SERF2: variants seen among roughly 807,000 people sequenced by gnomAD.
SERF2 encodes gastric cancer-related protein VRG107.
Under a neutral mutation model 10.7 loss-of-function variants are expected in SERF2, and 4 were observed. The ratio of observed to expected loss-of-function variants is 0.37; its 90% CI spans 0.18 to 0.86. The LOEUF (loss-of-function observed/expected upper bound fraction) is 0.86. Among genes scored for constraint, SERF2 ranks in the 40% least tolerant of loss-of-function variants. The pLI, the probability that SERF2 is intolerant of heterozygous loss-of-function variation, is 0.43. For missense variants in SERF2, 47 were observed against 79.1 expected, an observed-to-expected ratio of 0.59 and a Z score of 1.54; for synonymous variants, 26 against 26.0, an observed-to-expected ratio of 1.00 and a Z score of 0.01.
chr15:43,795,668 G>A lies in SERF2; in HGVS notation c.*1895G>A. ...CCACAGAGATCTACCACTTCTTATG[G>A]TTCCTCACTTGGCACTCACCTTTGT... is the stretch of plus-strand genomic sequence containing the variant. On this transcript the variant is annotated 3_prime_UTR_variant, in exon 3 of 3. Transcript: ENST00000249786. 6.2e-7 allele frequency: 1 copy of A among 1,613,550 alleles called. No individual in the cohort carries two copies. Among genetic ancestry groups the A allele is most frequent in the Non-Finnish European group, 8.5e-7 (1 of 1,179,570 alleles).
intron 1 of SERF2, among the ~76,000 whole-genome samples, chr15:43,783,190 T>A (rs2086978517): frequency 6.6e-6 from 1 of 151,974 alleles, no homozygotes; most frequent in South Asian, 2.1e-4. Flanking sequence ...ATATTTTTAG[T>A]AGAGACAGGG....
chr15:43,781,370 C>A (rs1308894678), intron 1 of SERF2, among the ~76,000 whole-genome samples: 1 of 152,036 alleles, frequency 6.6e-6, no homozygotes, highest in African/African-American at 2.4e-5. Flanking sequence ...GCCTGGCCAA[C>A]ATAGCGAAAT....
upstream of SERF2, among the ~76,000 whole-genome samples, chr15:43,791,464 T>C (rs984367586): frequency 2.0e-5 from 3 of 151,604 alleles, no homozygotes; most frequent in African/African-American, 7.3e-5. Context: ...CTCGAACTCC[T>C]GACCTTCTGA....
At chr15:43,786,332 A>G (rs1429207092) in intron 2 of SERF2, among the ~76,000 whole-genome samples, 2 of 149,014 alleles carry the variant, frequency 1.3e-5, no homozygotes, top group Non-Finnish European at 1.5e-5. Context: ...GGAGAATGGT[A>G]TGAGCCCAGG....
Position 43,795,228 on chromosome 15 carries a change from G to T in SERF2, c.*1455G>T, listed in dbSNP as rs147161959. 1 of 1,611,806 alleles carries T rather than the reference G, an allele frequency of 6.2e-7. No individual in the cohort carries two copies. Among genetic ancestry groups the T allele is most frequent in the East Asian group, 2.2e-5 (1 of 44,862 alleles). On this transcript the variant is annotated 3_prime_UTR_variant, in exon 3 of 3. Coordinates refer to ENST00000249786, the MANE Select transcript of SERF2 (RefSeq NM_001018108.4). Reference sequence around the variant, plus strand: ...CTCCCTCATAGCTGTGTAACCAAAGGCTCTGGTTAGAGAATATGAAGGGCC... The same window carrying T: ...CTCCCTCATAGCTGTGTAACCAAAGTCTCTGGTTAGAGAATATGAAGGGCC...
At position 43,795,032 on chromosome 15, in the gene SERF2, T is replaced by A. The variant is rs1442559155; in HGVS notation, c.*1259T>A. 5 of 1,612,130 alleles carry A rather than the reference T, an allele frequency of 3.1e-6. No homozygotes were observed. The highest frequency in any genetic ancestry group is 2.2e-5 in the South Asian group (2 of 90,998). ...GGAGGATATTTGTTATCTGGGGATA[T>A]GATGCGGTGGCGGCGGCGCCTCAAG... On this transcript the variant is annotated 3_prime_UTR_variant, in exon 3 of 3. Transcript: ENST00000249786.
At position 43,795,431 on chromosome 15, in the gene SERF2, G is replaced by T. The variant is rs924844763; in HGVS notation, c.*1658G>T. On this transcript the variant is annotated 3_prime_UTR_variant, in exon 3 of 3. Coordinates refer to ENST00000249786, the MANE Select transcript of SERF2 (RefSeq NM_001018108.4). The stretch of plus-strand genomic sequence containing the variant: ...GTAACCATGACATAGAGTGAGGCAA[G>T]GAAGAAGACGAAGTGGAAGGCAGAA... The T allele has an allele frequency of 1.2e-6, 2 of 1,614,184 alleles. No individual in the cohort carries two copies. The highest frequency in any genetic ancestry group is 1.1e-5 in the South Asian group (1 of 91,088).
chr15:43,778,614 A>T (rs1187008806), intron 1 of SERF2, among the ~76,000 whole-genome samples: 2 of 139,736 alleles, frequency 1.4e-5, no homozygotes, highest in Non-Finnish European at 3.1e-5. Context: ...AAAAAAAAAA[A>T]AGAGGCTGGG....
At chr15:43,788,933 A>G (rs2087029792), upstream of SERF2, among the ~76,000 whole-genome samples, 1 of 152,020 alleles carries the variant, frequency 6.6e-6, no homozygotes, top group African/African-American at 2.4e-5. Flanking sequence ...GCGGATCACA[A>G]GGTCAGGAGA....
At chr15:43,789,966 G>T (rs759808201), upstream of SERF2, among the ~76,000 whole-genome samples, 3 of 151,840 alleles carry the variant, frequency 2.0e-5, no homozygotes, top group Non-Finnish European at 4.4e-5. Flanking sequence ...CATGGTTAAA[G>T]CCTGTCTCTA....
Position 43,793,873 on chromosome 15 carries a change from C to T in SERF2, c.*100C>T. 2 of 1,609,880 alleles carry T rather than the reference C, an allele frequency of 1.2e-6. No homozygotes were observed. The highest frequency in any genetic ancestry group is 1.7e-6 in the Non-Finnish European group (2 of 1,177,960). ...CTCCTGTAGTGCTCACAGGTCCCAG[C>T]ACCGATGGCATTCCCTTTGCCCTGA... On this transcript the variant is annotated 3_prime_UTR_variant, in exon 3 of 3. Coordinates refer to ENST00000249786, the MANE Select transcript of SERF2 (RefSeq NM_001018108.4).
At chr15:43,792,817 C>T in intron 1 of SERF2, 158 bp from the exon 2 acceptor site, 2 of 673,676 alleles carry the variant, frequency 3.0e-6, no homozygotes, top group Non-Finnish European at 5.0e-6. Flanking sequence ...ATTCGCCACT[C>T]CCCCCTACCC....
Position 43,793,928 on chromosome 15 carries a change from T to G in SERF2, c.*155T>G. The G allele has an allele frequency of 6.4e-7, 1 of 1,561,138 alleles. No individual in the cohort carries two copies. Among genetic ancestry groups the G allele is most frequent in the South Asian group, 1.2e-5 (1 of 86,146 alleles). On this transcript the variant is annotated 3_prime_UTR_variant, in exon 3 of 3. Transcript: ENST00000249786. ...GCAGCGGGTCCCTTTTGTGCTTCCT[T>G]CCCCTCAGGTAGCCTCTCTCCCCCT...
chr15:43,794,445 A>C lies in SERF2; in HGVS notation c.*672A>C, dbSNP rs886959920. ...GACTTCCCGTGGTCAGCTGCTGTCA[A>C]GCGTTCACTTTCTCTTCTGTCATTC... On this transcript the variant is annotated 3_prime_UTR_variant, in exon 3 of 3. Transcript: ENST00000249786. The C allele has an allele frequency of 6.2e-6, 1 of 162,096 alleles. No homozygotes were observed. Among genetic ancestry groups the C allele is most frequent in the East Asian group, 1.9e-4 (1 of 5,336 alleles). 10.0% of individuals were successfully genotyped at this position (162,096 alleles called of 1,614,324 possible). A position where few individuals can be genotyped will look rare whatever the true frequency, so the allele number is the denominator to read the frequency against.
At position 43,795,524 on chromosome 15, in the gene SERF2, C is replaced by A. The variant is rs763450248; in HGVS notation, c.*1751C>A. On this transcript the variant is annotated 3_prime_UTR_variant, in exon 3 of 3. Transcript: ENST00000249786. ...GGGGTTTCTTGGTCAGCTGGCCTCG[C>A]AGCCCCACCCCTTTGCCCTGGAGAG... 13 of 1,614,172 alleles carry A rather than the reference C, an allele frequency of 8.1e-6. No individual in the cohort carries two copies. Among genetic ancestry groups the A allele is most frequent in the Non-Finnish European group, 1.0e-5 (12 of 1,180,036 alleles).
At chr15:43,790,393 GGAGA>G (rs1019451336), upstream of SERF2, among the ~76,000 whole-genome samples, 17 of 151,970 alleles carry the variant, frequency 1.1e-4, no homozygotes, top group East Asian at 1.9e-4. Context: ...ACAGGGAGAG[GGAGA>G]GAGAGAAAGT....
At chr15:43,784,593 C>T (rs1038904392) in intron 1 of SERF2, among the ~76,000 whole-genome samples, 28 of 151,888 alleles carry the variant, frequency 1.8e-4, no homozygotes, top group Admixed American at 1.7e-3. Context: ...CTCAGCCTCC[C>T]GAGTAGCTGG....
chr15:43,785,278 A>G (rs2086997239), intron 1 of SERF2: 1 of 151,466 alleles, frequency 6.6e-6, no homozygotes, highest in East Asian at 1.9e-4. Context: ...CATGTTGGCC[A>G]GGCGGGTCAC....
intron 1 of SERF2, among the ~76,000 whole-genome samples, chr15:43,778,928 G>A (rs367644725): frequency 4.6e-5 from 7 of 152,066 alleles, no homozygotes; most frequent in Non-Finnish European, 7.4e-5. Context: ...TGCTGAATAC[G>A]GGGACAGAGA....
Sources: gnomAD v4.1 joint callset for allele counts (sites outside exome capture counted in the v4.1 genomes callset) on GRCh38, gnomAD v4.1.1 for gene constraint, MANE v1.5 for transcripts, NCBI Gene and HGNC (gene_info 2026-07-23, HGNC 2026-07-21) for gene names.